Variants in ASH1L observed in about 807,000 individuals in gnomAD.
The protein encoded by ASH1L is histone-lysine N-methyltransferase ASH1L.
ASH1L carries 23 observed loss-of-function variants against 269.0 expected under a neutral mutation model. The observed-to-expected ratio is 0.09, with a 90% CI of 0.06 to 0.12. The LOEUF is 0.12. Ranked by LOEUF, ASH1L falls within the 10% of genes least tolerant of loss-of-function variation. ASH1L has a pLI of 1.00. For synonymous variants in ASH1L, 1,187 were observed against 1,253.5 expected, an observed-to-expected ratio of 0.95 and a Z score of 1.12; for missense variants, 2,912 against 3,567.8, an observed-to-expected ratio of 0.82 and a Z score of 4.68.
intron 2 of ASH1L, among the ~76,000 whole-genome samples, chr1:155,488,463 T>C (rs1395210026): frequency 2.3e-5 from 3 of 130,200 alleles, no homozygotes; most frequent in Non-Finnish European, 3.1e-5. Flanking sequence ...AGTGAGACCA[T>C]CCTGGCCAAC....
chr1:155,374,076 C>T (rs1445969792), intron 10 of ASH1L, among the ~76,000 whole-genome samples: 2 of 152,158 alleles, frequency 1.3e-5, no homozygotes, highest in African/African-American at 4.8e-5. Flanking sequence ...TGCCTGTAAT[C>T]CCAGCACTTT....
intron 7 of ASH1L, among the ~76,000 whole-genome samples, chr1:155,391,358 G>A (rs531474315): frequency 3.9e-5 from 6 of 152,070 alleles, no homozygotes; most frequent in Admixed American, 6.6e-5. Flanking sequence ...TTAGTTCTGG[G>A]ACTTTCATTT....
chr1:155,434,236 C>A lies in ASH1L; in HGVS notation c.5828+4091G>T, dbSNP rs1661889707. The A allele has an allele frequency of 8.7e-6, 14 of 1,601,870 alleles. No homozygotes were observed. The South Asian group carries it at 1.6e-4, about 18-fold the overall frequency. ...CCTTTCCCCCGTCTCCGTCACCACC[C>A]TGGGCTCTCCCATGCATTCAAACTG... is the stretch of plus-strand genomic sequence containing the variant. On this transcript the variant is annotated intron_variant, in intron 5 of 27. Transcript: ENST00000392403.
chr1:155,386,865 G>GCTTTTTGTAA (rs1657476564), intron 7 of ASH1L, among the ~76,000 whole-genome samples: 1 of 152,032 alleles, frequency 6.6e-6, no homozygotes, highest in Non-Finnish European at 1.5e-5. Flanking sequence ...GTCCATTTTT[G>GCTTTTTGTAA]CTTTTGTTAC....
chr1:155,562,101 A>T (rs1672018600), intron 1 of ASH1L, 52 bp downstream of exon 1: 1 of 1,215,412 alleles, frequency 8.2e-7, no homozygotes, highest in Admixed American at 2.1e-5. Flanking sequence ...CCAGGATTCA[A>T]TCGCTGAGAG....
At chr1:155,344,746 T>C (rs1428637414) in intron 21 of ASH1L, among the ~76,000 whole-genome samples, 1 of 152,192 alleles carries the variant, frequency 6.6e-6, no homozygotes, top group Non-Finnish European at 1.5e-5. Context: ...CATATAAAGA[T>C]AGCAGAGCCA....
intron 2 of ASH1L, among the ~76,000 whole-genome samples, chr1:155,500,668 G>C (rs183656272): frequency 4.6e-5 from 7 of 152,230 alleles, no homozygotes; most frequent in Admixed American, 4.6e-4. Flanking sequence ...AAATTCTCTG[G>C]TAAGAGCTGA....
chr1:155,346,550 G>A (rs1653350568), intron 20 of ASH1L, 81 bp from the exon 21 acceptor site: 2 of 1,161,662 alleles, frequency 1.7e-6, no homozygotes, highest in South Asian at 2.5e-5. Flanking sequence ...TAAAAAATTA[G>A]CAATAGGTCA....
chr1:155,377,978 G>C (rs947730693), intron 10 of ASH1L, among the ~76,000 whole-genome samples: 1 of 151,154 alleles, frequency 6.6e-6, no homozygotes, highest in Non-Finnish European at 1.5e-5. Context: ...AGCCGAGATC[G>C]CGCCACTGCA....
At chr1:155,439,128 G>C in intron 4 of ASH1L, 60 bp from the exon 5 acceptor site, 1 of 1,499,592 alleles carries the variant, frequency 6.7e-7, no homozygotes, top group Non-Finnish European at 9.0e-7. Flanking sequence ...ATTTAAATAA[G>C]TTTTTACACA....
chr1:155,378,496 T>A lies in ASH1L; in HGVS notation c.6223+7A>T, dbSNP rs1656660977. ...GAGGCAGAAAAAATAGCTCCTAAGT[T>A]ACTCACTTGAACGAATTTTCTTATA... is the stretch of plus-strand genomic sequence containing the variant. On this transcript the variant is annotated splice_region_variant and intron_variant, in intron 9 of 27. Transcript: ENST00000392403. The A allele has an allele frequency of 4.3e-6, 7 of 1,613,410 alleles. No homozygotes were observed. In the East Asian group the frequency reaches 1.6e-4, roughly 36 times the overall value.
chr1:155,346,885 G>A (rs1653389781), intron 20 of ASH1L, among the ~76,000 whole-genome samples: 1 of 152,148 alleles, frequency 6.6e-6, no homozygotes, highest in African/African-American at 2.4e-5. Flanking sequence ...TACACATAAA[G>A]TTATGCATTC....
At chr1:155,353,206 A>T (rs547892320) in intron 16 of ASH1L, among the ~76,000 whole-genome samples, 1 of 152,322 alleles carries the variant, frequency 6.6e-6, no homozygotes, top group African/African-American at 2.4e-5. Flanking sequence ...CAGCTTCTCA[A>T]ACATAAAATG....
intron 4 of ASH1L, among the ~76,000 whole-genome samples, chr1:155,439,415 A>G (rs1662362987): frequency 6.6e-6 from 1 of 152,214 alleles, no homozygotes; most frequent in African/African-American, 2.4e-5. Context: ...TGTTGGATAA[A>G]GAGTGGGCAC....
At chr1:155,415,249 G>T (rs1015032952) in intron 6 of ASH1L, among the ~76,000 whole-genome samples, 7 of 151,892 alleles carry the variant, frequency 4.6e-5, no homozygotes, top group Admixed American at 4.6e-4. Flanking sequence ...TGGGCGTGGT[G>T]GCGGGCCCTG....
In ASH1L at chr1:155,354,565, T is replaced by C; in HGVS notation, c.7121A>G (p.Glu2374Gly). The C allele has an allele frequency of 6.2e-7, 1 of 1,614,070 alleles. No individual in the cohort carries two copies. Among genetic ancestry groups the C allele is most frequent in the Non-Finnish European group, 8.5e-7 (1 of 1,179,994 alleles). Residue 2374 changes from glutamate to glycine, a missense_variant, in exon 16 of 28, where the codon GAG becomes GGG. By Grantham distance (98) the Glu-to-Gly change is moderately conservative. Transcript: ENST00000392403. ...RNWEKIRQKQ[E>G]EVKHTSDNIH... ...ATTATCACTGGTGTGCTTTACTTCC[T>C]CCTGTTTTTGACGAATCTTCTCCCA...
chr1:155,478,769 G>A lies in ASH1L; in HGVS notation c.4101C>T (p.His1367=). 1 of 1,614,164 alleles carries A rather than the reference G, an allele frequency of 6.2e-7. No homozygotes were observed. Among genetic ancestry groups the A allele is most frequent in the Non-Finnish European group, 8.5e-7 (1 of 1,180,018 alleles). The stretch of plus-strand genomic sequence containing the variant: ...TACTAGAAAGAGGAAAACTAAGGCT[G>A]TGCATAAAAGGCATTTCAGCCATTG... ...REAMAEMPFM[H]SLSFPLSSTG... is the part of the protein sequence containing the mutation. Residue 1367 remains histidine, a synonymous_variant, in exon 3 of 28, where the codon CAC becomes CAT. Transcript: ENST00000392403. This position sits in a 1 kb window ranked among gnomAD's most constrained non-coding sequence, Gnocchi z 4.6.
intron 15 of ASH1L, among the ~76,000 whole-genome samples, chr1:155,356,185 C>T (rs1161657053): frequency 6.6e-6 from 1 of 152,060 alleles, no homozygotes; most frequent in African/African-American, 2.4e-5. Flanking sequence ...GATCCGCCTG[C>T]CTTGGCCTCC....
intron 7 of ASH1L, among the ~76,000 whole-genome samples, chr1:155,392,348 GC>G (rs1456833659): frequency 1.3e-5 from 2 of 152,144 alleles, no homozygotes; most frequent in Non-Finnish European, 2.9e-5. Context: ...GATAAAAAGA[GC>G]TATACAAGCG....
Sources: allele counts gnomAD v4.1 joint callset (sites outside exome capture counted in the v4.1 genomes callset), GRCh38; gene constraint gnomAD v4.1.1; non-coding constraint Gnocchi (gnomAD v3.1); transcripts MANE v1.5; gene names NCBI Gene and HGNC (gene_info 2026-07-23, HGNC 2026-07-21).